AKT3: variants seen among roughly 807,000 people sequenced by gnomAD.
AKT3 encodes AKT serine/threonine kinase 3, also known as RAC-gamma serine/threonine-protein kinase.
Under a neutral mutation model 65.3 loss-of-function variants are expected in AKT3, and 15 were observed. That is an observed-to-expected ratio of 0.23 (90% CI 0.15 to 0.35). The LOEUF is 0.35. AKT3 is among the 10% of genes least tolerant of loss of function. The probability of loss-of-function intolerance (pLI) is 1.00; values close to 1 mark genes in which losing one functional copy is unlikely to be tolerated. For missense variants in AKT3, 243 were observed against 576.5 expected (o/e 0.42, Z 5.92); for synonymous variants, 206 against 183.8 (o/e 1.12, Z -0.98).
intron 2 of AKT3, among the ~76,000 whole-genome samples, chr1:243,817,398 T>C (rs1693595666): frequency 6.6e-6 from 1 of 152,230 alleles, no homozygotes; most frequent in South Asian, 2.1e-4. Context: ...ATCTGTAGTC[T>C]GTAGTATAAG....
intron 9 of AKT3, among the ~76,000 whole-genome samples, chr1:243,568,441 A>G (rs961004802): frequency 4.1e-5 from 6 of 146,624 alleles, no homozygotes; most frequent in East Asian, 4.0e-4. Context: ...AGGAGAGAGA[A>G]AAAAAAAAAC....
At chr1:243,846,099 T>C (rs1695509884) in intron 1 of AKT3, among the ~76,000 whole-genome samples, 1 of 152,222 alleles carries the variant, frequency 6.6e-6, no homozygotes, top group African/African-American at 2.4e-5. Flanking sequence ...TGATTATACA[T>C]ACATAGTTCA....
intron 12 of AKT3, among the ~76,000 whole-genome samples, chr1:243,530,465 T>C (rs1034808637): frequency 5.9e-5 from 9 of 152,162 alleles, no homozygotes; most frequent in Admixed American, 5.2e-4. Flanking sequence ...AAGAAATTCT[T>C]TGAAACAAAT....
intron 4 of AKT3, 121 bp from the exon 5 acceptor site, chr1:243,646,158 C>A (rs916177605): frequency 5.0e-6 from 4 of 807,830 alleles, no homozygotes; most frequent in Non-Finnish European, 7.4e-6. Context: ...ACACTCAACA[C>A]AGATAAGCAT....
intron 12 of AKT3, among the ~76,000 whole-genome samples, chr1:243,544,829 G>C (rs1320255834): frequency 1.3e-5 from 2 of 151,088 alleles, no homozygotes; most frequent in Non-Finnish European, 2.9e-5. Context: ...TGCCTTAGCA[G>C]CCTTCTTAGG....
At chr1:243,678,260 G>A (rs1683668582) in intron 3 of AKT3, among the ~76,000 whole-genome samples, 1 of 152,022 alleles carries the variant, frequency 6.6e-6, no homozygotes, top group African/African-American at 2.4e-5. Flanking sequence ...TTGAAAGATG[G>A]TTCCAACCAC....
rs1044985744 is a variant in AKT3, at chr1:243,697,578, T to G, written c.47-1862A>C. On this transcript the variant is annotated intron_variant, in intron 2 of 13. Transcript: ENST00000673466. ...CTATACTGGACTTTGAATGAATCTT[T>G]AACACTGTCTATAATTTTATAACAT... Among the ~76,000 whole-genome samples the G allele has an allele frequency of 7.2e-4, 109 of 152,110 alleles. 4 individuals are homozygous for G. The highest frequency in any genetic ancestry group is 1.3e-4 in the Non-Finnish European group (9 of 67,950).
intron 5 of AKT3, among the ~76,000 whole-genome samples, chr1:243,642,447 C>A (rs904172675): frequency 5.0e-4 from 76 of 152,096 alleles, no homozygotes; most frequent in Non-Finnish European, 7.2e-4. Context: ...GTAGCTGGGA[C>A]TACAGGCGCC....
intron 2 of AKT3, among the ~76,000 whole-genome samples, chr1:243,734,498 G>C (rs1407055546): frequency 2.0e-5 from 3 of 151,974 alleles, no homozygotes. Flanking sequence ...TGGTATCTGT[G>C]TATCTAGACA....
chr1:243,828,684 T>C (rs1224011337), intron 2 of AKT3, among the ~76,000 whole-genome samples: 2 of 152,280 alleles, frequency 1.3e-5, no homozygotes, highest in South Asian at 2.1e-4. Context: ...ACATTATATA[T>C]AAAATGTGTG....
chr1:243,645,387 G>A (rs1680730964), intron 5 of AKT3, among the ~76,000 whole-genome samples: 1 of 152,046 alleles, frequency 6.6e-6, no homozygotes, highest in South Asian at 2.1e-4. Context: ...CTGAGAGAAG[G>A]AAAAGTCTAT....
At chr1:243,838,823 C>G (rs1188039024) in intron 2 of AKT3, among the ~76,000 whole-genome samples, 1 of 151,950 alleles carries the variant, frequency 6.6e-6, no homozygotes, top group Admixed American at 6.6e-5. Flanking sequence ...ACAAAGAAAA[C>G]TAAGGGAAAA....
At chr1:243,813,488 T>TAA (rs1269429524) in intron 2 of AKT3, among the ~76,000 whole-genome samples, 1 of 125,736 alleles carries the variant, frequency 8.0e-6, no homozygotes, top group Non-Finnish European at 1.8e-5. Flanking sequence ...CCTATGGAAA[T>TAA]AAAAAAAAAA....
In AKT3 at chr1:243,613,100, C is replaced by CACACAT. The variant is rs1553415196; in HGVS notation, c.696+570_696+571insATGTGT. The CACACAT allele has an allele frequency of 2.8e-4, 37 of 130,922 alleles. 1 individual carries two copies. The highest frequency in any genetic ancestry group is 5.6e-4 in the African/African-American group (19 of 33,714). 8.1% of individuals were successfully genotyped at this position (130,922 alleles called of 1,614,324 possible). ...ATACACACACACACACACACACACA[C>CACACAT]ATATATACCCACCCATATATATACA... On this transcript the variant is annotated intron_variant, in intron 8 of 13. Coordinates refer to ENST00000673466, the MANE Select transcript of AKT3 (RefSeq NM_005465.7).
intron 5 of AKT3, among the ~76,000 whole-genome samples, chr1:243,642,202 G>A (rs1406338729): frequency 6.6e-6 from 1 of 152,164 alleles, no homozygotes; most frequent in African/African-American, 2.4e-5. Flanking sequence ...TGGTCAGAAT[G>A]GTATACACAG....
chr1:243,745,306 C>T (rs948935840), intron 2 of AKT3, among the ~76,000 whole-genome samples: 1 of 152,124 alleles, frequency 6.6e-6, no homozygotes, highest in Admixed American at 6.5e-5. Flanking sequence ...TGCCACTGCA[C>T]TCCAGCCTGG....
chr1:243,606,833 A>C (rs10754806), intron 8 of AKT3, among the ~76,000 whole-genome samples: 118,150 of 152,168 alleles, frequency 0.78, 46,916 homozygotes, highest in Non-Finnish European at 0.86. Flanking sequence ...AGGGCCCCCC[A>C]ACCCGGCTCT....
chr1:243,727,960 T>G (rs1474381710), intron 2 of AKT3, among the ~76,000 whole-genome samples: 2 of 152,210 alleles, frequency 1.3e-5, no homozygotes, highest in Non-Finnish European at 2.9e-5. Flanking sequence ...CTCTCAAAAA[T>G]AAGGGAAAGC....
chr1:243,749,283 C>T (rs1309462777), intron 2 of AKT3, among the ~76,000 whole-genome samples: 1 of 152,132 alleles, frequency 6.6e-6, no homozygotes, highest in African/African-American at 2.4e-5. Flanking sequence ...ATAAATCTAT[C>T]ATAATTCATG....
Sources: allele counts gnomAD v4.1 joint callset (sites outside exome capture counted in the v4.1 genomes callset), GRCh38; gene constraint gnomAD v4.1.1; transcripts MANE v1.5; gene names NCBI Gene and HGNC (gene_info 2026-07-23, HGNC 2026-07-21).